SENP5: variants seen among roughly 807,000 people sequenced by gnomAD.
SENP5 encodes sentrin-specific protease 5.
A neutral mutation model predicts 74.2 loss-of-function variants in SENP5; 21 were observed. That is an observed-to-expected ratio of 0.28 (90% CI 0.20 to 0.41). SENP5 has a LOEUF of 0.41. Among genes scored for constraint, SENP5 ranks in the 10% least tolerant of loss-of-function variants. The probability of loss-of-function intolerance (pLI) is 1.00; values close to 1 mark genes in which losing one functional copy is unlikely to be tolerated. For synonymous variants in SENP5, 311 were observed against 312.7 expected (o/e 0.99, Z 0.06); for missense variants, 717 against 889.1 (o/e 0.81, Z 2.46).
Position 196,886,078 on chromosome 3 carries a change from T to A in SENP5, c.897T>A (p.Pro299=), listed in dbSNP as rs1276944494. 2 of 1,614,226 alleles carry A rather than the reference T, an allele frequency of 1.2e-6. No individual in the cohort carries two copies. Among genetic ancestry groups the A allele is most frequent in the Admixed American group, 3.3e-5 (2 of 60,016 alleles). ...TTCCTTCCCCAGAACCTAAAGACCCTTCTTGTCGGCATCAGCCGTACTTTC... is the reference window on the plus strand; with the variant it reads ...TTCCTTCCCCAGAACCTAAAGACCCATCTTGTCGGCATCAGCCGTACTTTC... ...SPFPSPEPKD[P]SCRHQPYFPD... Residue 299 remains proline, a synonymous_variant, in exon 2 of 10, where the codon CCT becomes CCA. Transcript: ENST00000323460.
intron 1 of SENP5, among the ~76,000 whole-genome samples, chr3:196,877,601 T>C (rs768292505): frequency 6.6e-6 from 1 of 152,206 alleles, no homozygotes; most frequent in African/African-American, 2.4e-5. Context: ...CAGCAACCAA[T>C]AGATACTCAG....
Position 196,927,715 on chromosome 3 carries a change from C to G in SENP5, c.2023-81C>G, listed in dbSNP as rs554723925. 97 of 766,082 alleles carry G rather than the reference C, an allele frequency of 1.3e-4. No individual in the cohort carries two copies. The African/African-American group carries it at 1.7e-3, about 13-fold the overall frequency. 47.5% of individuals were successfully genotyped at this position (766,082 alleles called of 1,614,324 possible). A position where few individuals can be genotyped will look rare whatever the true frequency, so the allele number is the denominator to read the frequency against. The stretch of plus-strand genomic sequence containing the variant: ...TTATGGGGCCACAGCCTCCTCCTTT[C>G]CTTCTGTCTGCTATGGGCATGTTCC... On this transcript the variant is annotated intron_variant, in intron 7 of 9. Transcript: ENST00000323460.
chr3:196,910,384 T>C (rs1715074457), intron 6 of SENP5, among the ~76,000 whole-genome samples: 1 of 126,394 alleles, frequency 7.9e-6, no homozygotes, highest in East Asian at 2.3e-4. Flanking sequence ...TCTCGCTCCA[T>C]TGCCCAGGCT....
intron 1 of SENP5, among the ~76,000 whole-genome samples, chr3:196,869,483 G>A (rs998582937): frequency 6.6e-5 from 10 of 151,570 alleles, no homozygotes; most frequent in Non-Finnish European, 1.2e-4. Flanking sequence ...GGGATCAGCC[G>A]GGCGCGGTGG....
Position 196,877,305 on chromosome 3 carries a change from C to T in SENP5, c.-31-7846C>T, listed in dbSNP as rs540139893. Among the ~76,000 whole-genome samples the T allele has an allele frequency of 2.6e-4, 39 of 152,204 alleles. No homozygotes were observed. In the South Asian group the frequency reaches 7.5e-3, roughly 29 times the overall value. On this transcript the variant is annotated intron_variant, in intron 1 of 9. Coordinates refer to ENST00000323460, the MANE Select transcript of SENP5 (RefSeq NM_152699.5). ...TGAAGCGATTCTTCTGCCTCAGGCT[C>T]CTGAGAAGCTGGCCATTACTGGTGC...
At chr3:196,902,158 C>T (rs1345885764) in intron 5 of SENP5, among the ~76,000 whole-genome samples, 6 of 152,212 alleles carry the variant, frequency 3.9e-5, no homozygotes, top group Non-Finnish European at 7.3e-5. Flanking sequence ...AAAAGACACT[C>T]CAGGCTGGAA....
chr3:196,869,845 T>C (rs1316695772), intron 1 of SENP5, among the ~76,000 whole-genome samples: 2 of 6,564 alleles, frequency 3.0e-4, no homozygotes, highest in African/African-American at 6.2e-3. Flanking sequence ...TAAATCAGCC[T>C]TTTTTTTTTT....
In SENP5 at chr3:196,927,887, T is replaced by C; in HGVS notation, c.2106+8T>C. 1 of 1,585,848 alleles carries C rather than the reference T, an allele frequency of 6.3e-7. No individual in the cohort carries two copies. Among genetic ancestry groups the C allele is most frequent in the Non-Finnish European group, 8.7e-7 (1 of 1,154,452 alleles). On this transcript the variant is annotated splice_region_variant and intron_variant, in intron 8 of 9. Coordinates refer to ENST00000323460, the MANE Select transcript of SENP5 (RefSeq NM_152699.5). The stretch of plus-strand genomic sequence containing the variant: ...CAGACTGCTGTTACGAAGGTAAGTA[T>C]GTGATAACAATGAAACCCAGGCATG...
intron 1 of SENP5, among the ~76,000 whole-genome samples, chr3:196,873,809 G>C (rs539671970): frequency 6.6e-6 from 1 of 152,094 alleles, no homozygotes; most frequent in East Asian, 1.9e-4. Context: ...CTGCACTATA[G>C]CCTGGGTGAC....
intron 2 of SENP5, among the ~76,000 whole-genome samples, chr3:196,890,837 TCA>T (rs1225957184): frequency 2.6e-5 from 4 of 152,128 alleles, no homozygotes; most frequent in Admixed American, 6.6e-5. Flanking sequence ...ATACACAAAC[TCA>T]CACTAAATTT....
intron 1 of SENP5, among the ~76,000 whole-genome samples, chr3:196,884,570 C>G (rs1014282687): frequency 2.0e-5 from 3 of 151,826 alleles, no homozygotes; most frequent in Non-Finnish European, 4.4e-5. Flanking sequence ...TATTACCTTT[C>G]TGTGTATAAG....
intron 2 of SENP5, among the ~76,000 whole-genome samples, chr3:196,894,219 G>A (rs754745410): frequency 6.8e-6 from 1 of 146,652 alleles, no homozygotes; most frequent in Non-Finnish European, 1.5e-5. Context: ...CACTTCCTGG[G>A]TTCAAGCAAT....
Position 196,899,910 on chromosome 3 carries a change from TC to T in SENP5, c.1620-13del, listed in dbSNP as rs1454864540. 8 of 1,611,348 alleles carry T rather than the reference TC, an allele frequency of 5.0e-6. No individual in the cohort carries two copies. The South Asian group carries it at 7.7e-5, about 16-fold the overall frequency. On this transcript the variant is annotated splice_polypyrimidine_tract_variant and intron_variant, in intron 3 of 9. Transcript: ENST00000323460. ...GTTTTTTTTACCTTTTGTTTCAAAA[TC>T]TTTCTCTTTCAGAAAACCATTTATC... is the stretch of plus-strand genomic sequence containing the variant.
At chr3:196,873,463 G>A (rs1272949390) in intron 1 of SENP5, among the ~76,000 whole-genome samples, 1 of 151,910 alleles carries the variant, frequency 6.6e-6, no homozygotes, top group Non-Finnish European at 1.5e-5. Context: ...TCCATTTTGT[G>A]TACATATGCT....
intron 3 of SENP5, 40 bp from the exon 4 acceptor site, chr3:196,899,884 T>G: frequency 6.2e-7 from 1 of 1,604,772 alleles, no homozygotes; most frequent in South Asian, 1.1e-5. Flanking sequence ...GAAGTACTCA[T>G]GTTTTTTTTA....
intron 6 of SENP5, among the ~76,000 whole-genome samples, chr3:196,918,148 T>C (rs1217913450): frequency 6.7e-6 from 1 of 148,310 alleles, no homozygotes; most frequent in Non-Finnish European, 1.5e-5. Flanking sequence ...CTACTAAAAA[T>C]ACAAAAAAAT....
chr3:196,925,175 T>C (rs193200236), intron 7 of SENP5, among the ~76,000 whole-genome samples: 1 of 152,064 alleles, frequency 6.6e-6, no homozygotes, highest in African/African-American at 2.4e-5. Context: ...GCGTTTTTTT[T>C]TTTACAAGGA....
At chr3:196,881,294 C>T (rs1460983973) in intron 1 of SENP5, among the ~76,000 whole-genome samples, 2 of 152,044 alleles carry the variant, frequency 1.3e-5, no homozygotes, top group African/African-American at 4.8e-5. Context: ...AATGAATAGC[C>T]TTGTACATGT....
intron 1 of SENP5, among the ~76,000 whole-genome samples, chr3:196,868,370 A>G (rs1426348568): frequency 1.2e-4 from 18 of 152,232 alleles, no homozygotes; most frequent in Admixed American, 1.2e-3. Flanking sequence ...GAAAGCTCTG[A>G]GAGGAGGAGC....
Sources: allele counts gnomAD v4.1 joint callset (sites outside exome capture counted in the v4.1 genomes callset), GRCh38; gene constraint gnomAD v4.1.1; transcripts MANE v1.5; gene names NCBI Gene and HGNC (gene_info 2026-07-23, HGNC 2026-07-21).